Variants in PDE4B observed in about 807,000 individuals in gnomAD.
The protein encoded by PDE4B is phosphodiesterase 4B, also known as 3',5'-cyclic-AMP phosphodiesterase 4B.
Under a neutral mutation model 82.2 loss-of-function variants are expected in PDE4B, and 20 were observed. That is an observed-to-expected ratio of 0.24 (90% confidence interval 0.17 to 0.35). The LOEUF (loss-of-function observed/expected upper bound fraction) is 0.35. PDE4B is among the 10% of genes least tolerant of loss of function. The pLI is 1.00. For missense variants in PDE4B, 655 were observed against 907.2 expected, an observed-to-expected ratio of 0.72 and a Z score of 3.57; for synonymous variants, 320 against 318.9, an observed-to-expected ratio of 1.00 and a Z score of -0.04.
chr1:66,005,927 T>C (rs1652123121), intron 3 of PDE4B, among the ~76,000 whole-genome samples: 1 of 152,178 alleles, frequency 6.6e-6, no homozygotes, highest in Non-Finnish European at 1.5e-5. Flanking sequence ...GTGGGATTAA[T>C]AATTACCTGC....
chr1:66,285,623 A>G (rs776123318), intron 7 of PDE4B, among the ~76,000 whole-genome samples: 1 of 152,098 alleles, frequency 6.6e-6, no homozygotes, highest in Admixed American at 6.6e-5. Flanking sequence ...GAGTTAATTC[A>G]CTGAGGCTAG....
At chr1:66,185,982 G>A (rs1195199357) in intron 3 of PDE4B, among the ~76,000 whole-genome samples, 1 of 152,204 alleles carries the variant, frequency 6.6e-6, no homozygotes, top group Non-Finnish European at 1.5e-5. Flanking sequence ...TAACATTTAA[G>A]TCTTTAACCC....
intron 3 of PDE4B, among the ~76,000 whole-genome samples, chr1:66,007,430 C>CA (rs1392155654): frequency 6.6e-6 from 1 of 151,858 alleles, no homozygotes; most frequent in East Asian, 1.9e-4. Flanking sequence ...GGTGACAGAA[C>CA]AAGAAAAACG....
chr1:65,859,779 A>T (rs1276515083), intron 1 of PDE4B, among the ~76,000 whole-genome samples: 1 of 152,216 alleles, frequency 6.6e-6, no homozygotes, highest in East Asian at 1.9e-4. Context: ...TTAGAAAAAA[A>T]CATTATATAT....
intron 3 of PDE4B, among the ~76,000 whole-genome samples, chr1:66,202,230 G>T (rs909992568): frequency 2.0e-5 from 3 of 151,808 alleles, no homozygotes; most frequent in African/African-American, 7.3e-5. Flanking sequence ...TATAATTTCT[G>T]TTCTTTTACA....
At chr1:66,265,927 T>C (rs997991972) in intron 6 of PDE4B, 111 bp from the exon 7 acceptor site, 11 of 778,622 alleles carry the variant, frequency 1.4e-5, no homozygotes, top group African/African-American at 1.0e-4. Context: ...TGTCACTACA[T>C]AGTTCATTAT....
chr1:66,327,308 G>T (rs1482180072), intron 7 of PDE4B, among the ~76,000 whole-genome samples: 1 of 152,176 alleles, frequency 6.6e-6, no homozygotes, highest in Non-Finnish European at 1.5e-5. Flanking sequence ...AAATAAGAAT[G>T]TTGCTCAGCA....
chr1:66,202,321 C>T (rs1570458555), intron 3 of PDE4B, among the ~76,000 whole-genome samples: 2 of 152,138 alleles, frequency 1.3e-5, no homozygotes, highest in African/African-American at 4.8e-5. Flanking sequence ...AATGTATATT[C>T]TGTTGATTTG....
At chr1:66,190,872 T>C (rs1282126637) in intron 3 of PDE4B, among the ~76,000 whole-genome samples, 1 of 152,042 alleles carries the variant, frequency 6.6e-6, no homozygotes, top group Admixed American at 6.5e-5. Flanking sequence ...CACTCCCCAG[T>C]AAGATGAACC....
intron 1 of PDE4B, among the ~76,000 whole-genome samples, chr1:65,881,039 G>C (rs529072311): frequency 6.6e-6 from 1 of 152,098 alleles, no homozygotes; most frequent in East Asian, 1.9e-4. Flanking sequence ...GCCTAGGGAT[G>C]GTAACAACTC....
chr1:66,102,857 A>G (rs1162996750), intron 3 of PDE4B, among the ~76,000 whole-genome samples: 1 of 152,100 alleles, frequency 6.6e-6, no homozygotes, highest in Non-Finnish European at 1.5e-5. Flanking sequence ...TAATATGCCA[A>G]GGTTTCAAAT....
At chr1:65,803,206 C>T (rs1645716808) in intron 1 of PDE4B, among the ~76,000 whole-genome samples, 1 of 152,102 alleles carries the variant, frequency 6.6e-6, no homozygotes. Flanking sequence ...AGCTGTTTAT[C>T]CACATCAAGG....
intron 15 of PDE4B, 34 bp downstream of exon 15, chr1:66,368,099 C>T (rs921953294): frequency 1.2e-6 from 2 of 1,606,226 alleles, no homozygotes; most frequent in South Asian, 1.1e-5. Flanking sequence ...TAACACAAAA[C>T]CAAACCAAAC....
intron 3 of PDE4B, among the ~76,000 whole-genome samples, chr1:66,200,562 G>A (rs201178942): frequency 0.093 from 14,151 of 151,866 alleles, 1,512 homozygotes; most frequent in East Asian, 0.49. Context: ...GGTCCTTCAC[G>A]TCCCTTGTAA....
chr1:66,280,337 G>C (rs1380282505), intron 7 of PDE4B, among the ~76,000 whole-genome samples: 1 of 152,236 alleles, frequency 6.6e-6, no homozygotes, highest in Admixed American at 6.5e-5. Flanking sequence ...TCTCTACTGA[G>C]CAGACATGAG....
intron 3 of PDE4B, among the ~76,000 whole-genome samples, chr1:66,076,056 A>G (rs1656420991): frequency 6.6e-6 from 1 of 151,788 alleles, no homozygotes; most frequent in Non-Finnish European, 1.5e-5. Context: ...TTATAGGTTC[A>G]GATGGTACAT....
intron 7 of PDE4B, among the ~76,000 whole-genome samples, chr1:66,305,593 T>A (rs1658215641): frequency 6.6e-6 from 1 of 152,138 alleles, no homozygotes; most frequent in Admixed American, 6.6e-5. Flanking sequence ...CAGGGTGATT[T>A]GTGTCTAATA....
intron 1 of PDE4B, among the ~76,000 whole-genome samples, chr1:65,794,008 C>T (rs924842504): frequency 4.6e-5 from 7 of 152,148 alleles, no homozygotes; most frequent in Non-Finnish European, 7.4e-5. Flanking sequence ...TAAGGAGGAG[C>T]GCACAGAAGA....
intron 3 of PDE4B, among the ~76,000 whole-genome samples, chr1:65,955,586 C>G (rs1280082675): frequency 2.0e-5 from 3 of 152,108 alleles, no homozygotes; most frequent in African/African-American, 7.2e-5. Flanking sequence ...GGGATTCGAG[C>G]CCATGTCTAC....
Sources: gnomAD v4.1 joint callset for allele counts (sites outside exome capture counted in the v4.1 genomes callset) on GRCh38, gnomAD v4.1.1 for gene constraint, MANE v1.5 for transcripts, NCBI Gene and HGNC (gene_info 2026-07-23, HGNC 2026-07-21) for gene names.